The following TNFSF10 variants were observed in gnomAD, a reference collection of about 807,000 sequenced individuals.
The protein encoded by TNFSF10 is tumor necrosis factor ligand superfamily member 10.
A neutral mutation model predicts 29.5 loss-of-function variants in TNFSF10; 13 were observed. The observed-to-expected ratio is 0.44, with a 90% CI of 0.29 to 0.70. TNFSF10 has a LOEUF of 0.70. Among genes scored for constraint, TNFSF10 ranks in the 30% least tolerant of loss-of-function variants. TNFSF10 has a pLI of 0.13. For missense variants in TNFSF10, 345 were observed against 330.9 expected (o/e 1.04, Z -0.33); for synonymous variants, 111 against 112.8 (o/e 0.98, Z 0.10).
chr3:172,508,210 G>A (rs1394669629), intron 4 of TNFSF10, among the ~76,000 whole-genome samples: 4 of 151,752 alleles, frequency 2.6e-5, no homozygotes, highest in Admixed American at 2.0e-4. Flanking sequence ...CAGGAGAATC[G>A]CTTGAACCTG....
intron 1 of TNFSF10, among the ~76,000 whole-genome samples, chr3:172,521,762 C>T (rs954419628): frequency 6.6e-6 from 1 of 152,164 alleles, no homozygotes; most frequent in Non-Finnish European, 1.5e-5. Context: ...TATTCCAGCA[C>T]CATTTACAAT....
intron 1 of TNFSF10, chr3:172,522,426 GA>G: frequency 6.6e-7 from 1 of 1,521,048 alleles, no homozygotes; most frequent in Non-Finnish European, 9.1e-7. Context: ...ATTTGTGTTT[GA>G]AAGCAGGAAA....
intron 1 of TNFSF10, among the ~76,000 whole-genome samples, chr3:172,523,006 G>C (rs969629842): frequency 6.6e-6 from 1 of 152,164 alleles, no homozygotes; most frequent in African/African-American, 2.4e-5. Context: ...AATCCCTCAG[G>C]AGTTTTGTTG....
chr3:172,516,025 G>A (rs1422588821), intron 1 of TNFSF10, among the ~76,000 whole-genome samples: 1 of 152,156 alleles, frequency 6.6e-6, no homozygotes, highest in Non-Finnish European at 1.5e-5. Flanking sequence ...CACTCTGGGA[G>A]GCCGAGGCGG....
intron 1 of TNFSF10, among the ~76,000 whole-genome samples, chr3:172,516,879 C>T (rs955554526): frequency 3.3e-5 from 5 of 152,136 alleles, no homozygotes; most frequent in Admixed American, 3.3e-4. Flanking sequence ...AAGGAAGAGA[C>T]GAGAAACTGG....
intron 1 of TNFSF10, chr3:172,518,565 T>G (rs984692171): frequency 5.1e-6 from 5 of 981,150 alleles, no homozygotes; most frequent in Non-Finnish European, 7.0e-6. Flanking sequence ...GGCCATTCCT[T>G]TATCATAAAA....
At chr3:172,509,744 G>A (rs1320740118) in intron 3 of TNFSF10, among the ~76,000 whole-genome samples, 3 of 152,124 alleles carry the variant, frequency 2.0e-5, no homozygotes, top group Admixed American at 2.0e-4. Context: ...AATAAACAGA[G>A]TGGTACCAAC....
chr3:172,506,367 AG>A lies in TNFSF10; in HGVS notation c.*124del. ...TGGCTGCTCTACTCAGATTGCATAG[AG>A]GTTTTTTTGTTTTCTGTTTTCTGTT... On this transcript the variant is annotated 3_prime_UTR_variant, in exon 5 of 5. Transcript: ENST00000241261. The A allele has an allele frequency of 3.2e-6, 4 of 1,232,590 alleles. No individual in the cohort carries two copies. Among genetic ancestry groups the A allele is most frequent in the Non-Finnish European group, 4.4e-6 (4 of 904,484 alleles). 76.4% of individuals were successfully genotyped at this position (1,232,590 alleles called of 1,614,324 possible). A position where few individuals can be genotyped will look rare whatever the true frequency, so the allele number is the denominator to read the frequency against.
Position 172,508,609 on chromosome 3 carries a change from G to C in TNFSF10, c.418+608C>G, listed in dbSNP as rs964280233. ...GAAGAAGTAATCATAAGAGAGAAAG[G>C]CTGGGTGCAGTGGCTCACACCTGTA... On this transcript the variant is annotated intron_variant, in intron 4 of 4. Transcript: ENST00000241261. Among the ~76,000 whole-genome samples the C allele has an allele frequency of 1.3e-5, 2 of 152,122 alleles. 1 individual carries two copies. The highest frequency in any genetic ancestry group is 4.1e-4 in the South Asian group (2 of 4,826).
rs1258522498 is a variant in TNFSF10 at position 172,506,435 on chromosome 3, A to T, written c.*57T>A. ...ATTTTTTGAAACATCTTCATAGTGT[A>T]TCATCCTGAAAACTGAATAGTCACT... is the stretch of plus-strand genomic sequence containing the variant. On this transcript the variant is annotated 3_prime_UTR_variant, in exon 5 of 5. Transcript: ENST00000241261. 2 of 1,516,442 alleles carry T rather than the reference A, an allele frequency of 1.3e-6. No homozygotes were observed. The highest frequency in any genetic ancestry group is 1.3e-5 in the South Asian group (1 of 75,086). 93.9% of individuals were successfully genotyped at this position (1,516,442 alleles called of 1,614,324 possible). A position where few individuals can be genotyped will look rare whatever the true frequency, so the allele number is the denominator to read the frequency against.
chr3:172,511,018 G>A (rs1713196684), intron 3 of TNFSF10, among the ~76,000 whole-genome samples: 2 of 152,128 alleles, frequency 1.3e-5, no homozygotes, highest in South Asian at 4.1e-4. Context: ...TGTAAAGTAC[G>A]ATGGAGTGCC....
At chr3:172,508,107 C>T (rs1197467985) in intron 4 of TNFSF10, among the ~76,000 whole-genome samples, 1 of 151,810 alleles carries the variant, frequency 6.6e-6, no homozygotes, top group Non-Finnish European at 1.5e-5. Context: ...CTTTGGGAGG[C>T]CGGGGGGGTG....
chr3:172,517,014 C>T (rs568251958), intron 1 of TNFSF10, among the ~76,000 whole-genome samples: 2 of 152,326 alleles, frequency 1.3e-5, no homozygotes, highest in East Asian at 3.9e-4. Flanking sequence ...CAAGCAGGCT[C>T]ACAAGTCTCT....
intron 2 of TNFSF10, among the ~76,000 whole-genome samples, chr3:172,513,440 G>A (rs1028203175): frequency 5.3e-5 from 8 of 152,200 alleles, no homozygotes; most frequent in African/African-American, 1.9e-4. Context: ...AATCATAGCT[G>A]CTTCCGTACA....
chr3:172,511,847 T>C (rs1354758105), intron 2 of TNFSF10, among the ~76,000 whole-genome samples, 188 bp from the exon 3 acceptor site: 1 of 152,148 alleles, frequency 6.6e-6, no homozygotes. Context: ...AATATTGAGA[T>C]AGCTGTCCCA....
intron 3 of TNFSF10, among the ~76,000 whole-genome samples, chr3:172,510,382 G>A (rs1270180410): frequency 1.3e-5 from 2 of 152,108 alleles, no homozygotes; most frequent in African/African-American, 2.4e-5. Context: ...TTGAGGCCAG[G>A]AAGTTGAGGC....
chr3:172,515,009 A>G lies in TNFSF10; in HGVS notation c.133-11T>C, dbSNP rs1167247180. 1.2e-6 allele frequency: 2 copies of G among 1,614,098 alleles called. No individual in the cohort carries two copies. The highest frequency in any genetic ancestry group is 2.2e-5 in the South Asian group (2 of 91,074). On this transcript the variant is annotated splice_polypyrimidine_tract_variant and intron_variant, in intron 1 of 4. Coordinates refer to ENST00000241261, the MANE Select transcript of TNFSF10 (RefSeq NM_003810.4). ...GTACTTGTCCTGCATCTGGGTTGAG[A>G]TGGAATATAACACAATATTTTGCAT...
rs191187783 is a variant in TNFSF10 at position 172,510,524 on chromosome 3, T to C, written c.313+1093A>G. On this transcript the variant is annotated intron_variant, in intron 3 of 4. Coordinates refer to ENST00000241261, the MANE Select transcript of TNFSF10 (RefSeq NM_003810.4). ...AAAAGAGGAAATTTCCAACTGGTTATAGCAAACACCTCCCAAAAAAGAAAC... is the reference window on the plus strand; with the variant it reads ...AAAAGAGGAAATTTCCAACTGGTTACAGCAAACACCTCCCAAAAAAGAAAC... Among the ~76,000 whole-genome samples the C allele has an allele frequency of 1.1e-4, 17 of 152,258 alleles. No individual in the cohort carries two copies. In the East Asian group the frequency reaches 3.1e-3, roughly 28 times the overall value.
In TNFSF10 at chr3:172,514,839, GTC is replaced by G. The variant is rs936900700; in HGVS notation, c.270+20_270+21del. 6.2e-7 allele frequency: 1 copy of G among 1,612,878 alleles called. No homozygotes were observed. The highest frequency in any genetic ancestry group is 8.5e-7 in the Non-Finnish European group (1 of 1,179,526). On this transcript the variant is annotated intron_variant, in intron 2 of 4. Transcript: ENST00000241261. ...CTGGCCTTCTCCGCCTGCTGGTGAG[GTC>G]ACCTGGTGAGGTTACCTACCTTTCT...
Sources: allele counts gnomAD v4.1 joint callset (sites outside exome capture counted in the v4.1 genomes callset), GRCh38; gene constraint gnomAD v4.1.1; transcripts MANE v1.5; gene names NCBI Gene and HGNC (gene_info 2026-07-23, HGNC 2026-07-21).